The following PLCXD3 variants were observed in gnomAD, a reference collection of about 807,000 sequenced individuals.
PLCXD3 encodes PI-PLC X domain-containing protein 3.
In PLCXD3, 19 loss-of-function variants were observed where a neutral mutation model predicts 25.5. That is an observed-to-expected ratio of 0.75 (90% CI 0.52 to 1.09). PLCXD3 has a LOEUF of 1.09. Ranked by LOEUF, PLCXD3 falls within the 50% of genes least tolerant of loss-of-function variation. The probability of loss-of-function intolerance (pLI) is 0.00; values close to 1 mark genes in which losing one functional copy is unlikely to be tolerated. For missense variants in PLCXD3, 411 were observed against 388.1 expected, an observed-to-expected ratio of 1.06 and a Z score of -0.50; for synonymous variants, 174 against 137.6, an observed-to-expected ratio of 1.26 and a Z score of -1.85.
chr5:41,478,795 C>T (rs1437589865), intron 1 of PLCXD3, among the ~76,000 whole-genome samples: 2 of 152,122 alleles, frequency 1.3e-5, no homozygotes, highest in Non-Finnish European at 2.9e-5. Flanking sequence ...ACAGGCTGTA[C>T]AGGAAGCATG....
intron 2 of PLCXD3, among the ~76,000 whole-genome samples, chr5:41,348,449 C>T (rs977317750): frequency 2.0e-5 from 3 of 152,096 alleles, no homozygotes; most frequent in Admixed American, 1.3e-4. Flanking sequence ...CAGAAAAAAA[C>T]ATTCCTGGTA....
intron 1 of PLCXD3, among the ~76,000 whole-genome samples, chr5:41,415,238 C>T (rs1205422920): frequency 6.6e-6 from 1 of 152,230 alleles, no homozygotes; most frequent in African/African-American, 2.4e-5. Flanking sequence ...CTCTCAACAC[C>T]GAATCCCCTG....
intron 2 of PLCXD3, among the ~76,000 whole-genome samples, chr5:41,327,222 T>C (rs1396483188): frequency 6.6e-6 from 1 of 151,982 alleles, no homozygotes; most frequent in East Asian, 1.9e-4. Flanking sequence ...AGAGGGGACA[T>C]GGGGACTAGA....
At chr5:41,480,738 C>T (rs560160781) in intron 1 of PLCXD3, among the ~76,000 whole-genome samples, 43 of 151,746 alleles carry the variant, frequency 2.8e-4, no homozygotes, top group African/African-American at 1.0e-3. Flanking sequence ...CTGGCCAACA[C>T]GGTGAAACCC....
chr5:41,321,375 A>T (rs1310046351), intron 2 of PLCXD3, among the ~76,000 whole-genome samples: 1 of 152,190 alleles, frequency 6.6e-6, no homozygotes, highest in Admixed American at 6.5e-5. Flanking sequence ...CTAGGAATAA[A>T]CCAAAAAAAG....
At chr5:41,320,547 A>G (rs1157291270) in intron 2 of PLCXD3, among the ~76,000 whole-genome samples, 2 of 152,172 alleles carry the variant, frequency 1.3e-5, no homozygotes, top group Non-Finnish European at 2.9e-5. Flanking sequence ...CCCAGACTGG[A>G]GTGCAGTGGC....
intron 1 of PLCXD3, among the ~76,000 whole-genome samples, chr5:41,438,320 G>C (rs948535900): frequency 5.3e-5 from 8 of 152,202 alleles, no homozygotes; most frequent in African/African-American, 1.9e-4. Context: ...AGAGACAGGA[G>C]ACAGACAAGG....
chr5:41,458,943 A>AT (rs1163100711), intron 1 of PLCXD3, among the ~76,000 whole-genome samples: 1 of 151,944 alleles, frequency 6.6e-6, no homozygotes, highest in Non-Finnish European at 1.5e-5. Flanking sequence ...AGATACATTT[A>AT]TTTTTCTTAG....
chr5:41,502,926 G>T (rs1330002324), intron 1 of PLCXD3, among the ~76,000 whole-genome samples: 5 of 152,148 alleles, frequency 3.3e-5, no homozygotes, highest in South Asian at 2.1e-4. Flanking sequence ...TTCACATTCT[G>T]CAGCCTTCTT....
At chr5:41,451,193 G>A (rs1221793613) in intron 1 of PLCXD3, among the ~76,000 whole-genome samples, 3 of 152,052 alleles carry the variant, frequency 2.0e-5, no homozygotes, top group Non-Finnish European at 4.4e-5. Flanking sequence ...ACACCTCAAC[G>A]TAACCTGAGA....
intron 1 of PLCXD3, among the ~76,000 whole-genome samples, chr5:41,425,510 G>A (rs916055064): frequency 6.6e-6 from 1 of 152,060 alleles, no homozygotes; most frequent in Admixed American, 6.5e-5. Context: ...GTTCACATTA[G>A]CATTTTCTCT....
chr5:41,387,297 T>C (rs558785567), intron 1 of PLCXD3, among the ~76,000 whole-genome samples: 2 of 152,262 alleles, frequency 1.3e-5, no homozygotes, highest in African/African-American at 4.8e-5. Context: ...GTCAGCACTC[T>C]GATTTCTGAT....
At chr5:41,421,862 A>C (rs1311668608) in intron 1 of PLCXD3, among the ~76,000 whole-genome samples, 1 of 152,190 alleles carries the variant, frequency 6.6e-6, no homozygotes, top group African/African-American at 2.4e-5. Context: ...TTAGGTGACA[A>C]AGCAGTGAGA....
chr5:41,366,050 G>A (rs905667916), intron 2 of PLCXD3, among the ~76,000 whole-genome samples: 11 of 151,716 alleles, frequency 7.3e-5, no homozygotes, highest in African/African-American at 2.7e-4. Context: ...CCGTTAACTC[G>A]TCATTTATAT....
At chr5:41,414,699 C>T (rs1467097372) in intron 1 of PLCXD3, among the ~76,000 whole-genome samples, 1 of 152,148 alleles carries the variant, frequency 6.6e-6, no homozygotes, top group African/African-American at 2.4e-5. Context: ...TGGAAAATTC[C>T]AGAAATAAAC....
intron 1 of PLCXD3, among the ~76,000 whole-genome samples, chr5:41,446,192 A>AAAAAAAAAAAAAAAAAAAAAAAT (rs1233441955): frequency 6.7e-6 from 1 of 148,812 alleles, no homozygotes; most frequent in Non-Finnish European, 1.5e-5. Context: ...AAAAAAAAAA[A>AAAAAAAAAAAAAAAAAAAAAAAT]AAAAAAAAAG....
chr5:41,431,795 G>A (rs1747115073), intron 1 of PLCXD3, among the ~76,000 whole-genome samples: 1 of 152,170 alleles, frequency 6.6e-6, no homozygotes, highest in South Asian at 2.1e-4. Flanking sequence ...TTTAAAGTGA[G>A]ACACAGTTAA....
At chr5:41,400,744 A>G (rs1295014136) in intron 1 of PLCXD3, among the ~76,000 whole-genome samples, 2 of 152,062 alleles carry the variant, frequency 1.3e-5, no homozygotes, top group East Asian at 1.9e-4. Flanking sequence ...GTACAAAAAA[A>G]CTAGTTAAAG....
At chr5:41,493,320 G>C (rs1226181999) in intron 1 of PLCXD3, among the ~76,000 whole-genome samples, 1 of 152,194 alleles carries the variant, frequency 6.6e-6, no homozygotes, top group African/African-American at 2.4e-5. Context: ...ACCTGGCCGT[G>C]TGAGGTGTCA....
Sources: allele counts gnomAD v4.1 joint callset (sites outside exome capture counted in the v4.1 genomes callset), GRCh38; gene constraint gnomAD v4.1.1; transcripts MANE v1.5; gene names NCBI Gene and HGNC (gene_info 2026-07-23, HGNC 2026-07-21).